ACTL6B: variants seen among roughly 807,000 people sequenced by gnomAD.
ACTL6B encodes the protein actin like 6B.
Under a neutral mutation model 63.3 loss-of-function variants are expected in ACTL6B, and 48 were observed. That is an observed-to-expected ratio of 0.76 (90% confidence interval 0.60 to 0.96). The LOEUF (loss-of-function observed/expected upper bound fraction) is 0.96, where lower values mean the gene tolerates loss of function less well. ACTL6B is among the 50% of genes least tolerant of loss of function. ACTL6B has a pLI of 0.00. For synonymous variants in ACTL6B, 230 were observed against 223.8 expected (o/e 1.03, Z -0.25); for missense variants, 350 against 572.2 (o/e 0.61, Z 3.96).
chr7:100,656,267 C>T, intron 1 of ACTL6B, 63 bp downstream of exon 1: 4 of 1,370,266 alleles, frequency 2.9e-6, no homozygotes, highest in Non-Finnish European at 3.8e-6. Context: ...GCCCAGAGCT[C>T]GGATGGATGG....
chr7:100,647,838 C>CT lies in ACTL6B; in HGVS notation c.670-306dup. 5.4e-6 allele frequency: 2 copies of CT among 370,274 alleles called. No homozygotes were observed. The highest frequency in any genetic ancestry group is 8.4e-5 in the Admixed American group (2 of 23,800). 22.9% of individuals were successfully genotyped at this position (370,274 alleles called of 1,614,324 possible). A position where few individuals can be genotyped will look rare whatever the true frequency, so the allele number is the denominator to read the frequency against. ...ATCCATGTGAGGGCACGGAATGGAG[C>CT]TAAGCACACAGTGTCACTTCATACT... On this transcript the variant is annotated intron_variant, in intron 7 of 13. Coordinates refer to ENST00000160382, the MANE Select transcript of ACTL6B (RefSeq NM_016188.5). The surrounding 1 kb of genome is among the most constrained non-coding windows in gnomAD (Gnocchi z 4.4).
chr7:100,654,896 A>T, intron 4 of ACTL6B, 123 bp downstream of exon 4: 4 of 762,264 alleles, frequency 5.2e-6, no homozygotes, highest in South Asian at 5.0e-5. Context: ...GGGTGAGGGG[A>T]GTCTGAAAAG....
In ACTL6B at chr7:100,648,515, C is replaced by T. The variant is rs764879172; in HGVS notation, c.669+41G>A. ...GGGTTGACGGCCATGGGGCGAGTGG[C>T]CAGGACTCTAGTGGCAGCTCCATGT... is the stretch of plus-strand genomic sequence containing the variant. On this transcript the variant is annotated intron_variant, in intron 7 of 13. Transcript: ENST00000160382. This position sits in a 1 kb window ranked among gnomAD's most constrained non-coding sequence, Gnocchi z 4.4. 6.6e-6 allele frequency: 10 copies of T among 1,524,222 alleles called. No individual in the cohort carries two copies. Among genetic ancestry groups the T allele is most frequent in the Non-Finnish European group, 8.9e-6 (10 of 1,128,286 alleles). The allele number at this position is 1,524,222 out of a possible 1,614,324, so 94.4% of individuals were successfully genotyped here. A position where few individuals can be genotyped will look rare whatever the true frequency, so the allele number is the denominator to read the frequency against.
Position 100,648,249 on chromosome 7 carries a change from T to C in ACTL6B, c.669+307A>G. 9.0e-6 allele frequency: 2 copies of C among 221,714 alleles called. No homozygotes were observed. The highest frequency in any genetic ancestry group is 1.1e-4 in the East Asian group (1 of 9,332). The allele number at this position is 221,714 out of a possible 1,614,324, so 13.7% of individuals were successfully genotyped here. Reference sequence around the variant, plus strand: ...CTGGGATTACAGGTGTGAGCCACCATGCCTGACCGGTCCTGCAGCTCTTGC... The same window carrying C: ...CTGGGATTACAGGTGTGAGCCACCACGCCTGACCGGTCCTGCAGCTCTTGC... On this transcript the variant is annotated intron_variant, in intron 7 of 13. Transcript: ENST00000160382. The surrounding 1 kb of genome is among the most constrained non-coding windows in gnomAD (Gnocchi z 4.4).
At position 100,655,913 on chromosome 7, in the gene ACTL6B, C is replaced by A. The variant is rs1313484228; in HGVS notation, c.26-34G>T. 5 of 1,545,034 alleles carry A rather than the reference C, an allele frequency of 3.2e-6. No individual in the cohort carries two copies. In the East Asian group the frequency reaches 9.8e-5, roughly 30 times the overall value. ...GGAGACAGGCCTGTAAGGGGACCTC[C>A]CCCGAACTCTCTCCCGCTAGGTAGC... On this transcript the variant is annotated intron_variant, in intron 1 of 13. Transcript: ENST00000160382. The surrounding 1 kb of genome is among the most constrained non-coding windows in gnomAD (Gnocchi z 4.4).
intron 4 of ACTL6B, among the ~76,000 whole-genome samples, chr7:100,653,575 A>G (rs916229063): frequency 6.6e-6 from 1 of 152,136 alleles, no homozygotes; most frequent in Non-Finnish European, 1.5e-5. Context: ...ACTTGAGCCC[A>G]GGAGACCAAG....
Position 100,647,489 on chromosome 7 carries a change from C to T in ACTL6B, c.714G>A (p.Glu238=), listed in dbSNP as rs1042445712. 2 of 1,611,260 alleles carry T rather than the reference C, an allele frequency of 1.2e-6. No homozygotes were observed. Among genetic ancestry groups the T allele is most frequent in the African/African-American group, 1.3e-5 (1 of 74,884 alleles). ...EGAPPNWKKK[E]KLPQVSKSWH... is the part of the protein sequence containing the mutation. ...AGGACTTGGAGACCTGGGGTAGCTT[C>T]TCCTTCTTCTTCCAGTTTGGGGGGG... The change falls in exon 8 of 14, where the codon GAG becomes GAA. Residue 238 remains glutamate, a synonymous_variant. Transcript: ENST00000160382. The surrounding 1 kb of genome is among the most constrained non-coding windows in gnomAD (Gnocchi z 4.4).
rs372754130 is a variant in ACTL6B at position 100,646,546 on chromosome 7, C to T, written c.1113+5G>A. 1.1e-4 allele frequency: 170 copies of T among 1,613,830 alleles called. No homozygotes were observed. The highest frequency in any genetic ancestry group is 1.3e-4 in the Non-Finnish European group (149 of 1,179,970). On this transcript the variant is annotated splice_donor_5th_base_variant and intron_variant, in intron 12 of 13. Transcript: ENST00000160382. This position sits in a 1 kb window ranked among gnomAD's most constrained non-coding sequence, Gnocchi z 6.1. ...CAGGGCTCTGGGTCAGGGGTGGGCT[C>T]CTACCGGTGGGGTCTTCTGGGAAAG...
intron 5 of ACTL6B, among the ~76,000 whole-genome samples, chr7:100,649,710 G>A (rs1803897033): frequency 6.6e-6 from 1 of 152,208 alleles, no homozygotes; most frequent in African/African-American, 2.4e-5. Flanking sequence ...AGTCAGTGTT[G>A]AAGGAGTTCT....
In ACTL6B at chr7:100,647,737, G is replaced by C; in HGVS notation, c.670-204C>G. 1 of 543,070 alleles carries C rather than the reference G, an allele frequency of 1.8e-6. No individual in the cohort carries two copies. The highest frequency in any genetic ancestry group is 3.3e-6 in the Non-Finnish European group (1 of 307,206). The allele number at this position is 543,070 out of a possible 1,614,324, so 33.6% of individuals were successfully genotyped here. A position where few individuals can be genotyped will look rare whatever the true frequency, so the allele number is the denominator to read the frequency against. On this transcript the variant is annotated intron_variant, in intron 7 of 13. Coordinates refer to ENST00000160382, the MANE Select transcript of ACTL6B (RefSeq NM_016188.5). The surrounding 1 kb of genome is among the most constrained non-coding windows in gnomAD (Gnocchi z 4.4). ...CTCCATGTGTGCCTTTCATGCGGTGGGTGCAGCTGATCTGGAGAACACCAG... is the reference window on the plus strand; with the variant it reads ...CTCCATGTGTGCCTTTCATGCGGTGCGTGCAGCTGATCTGGAGAACACCAG...
Position 100,650,068 on chromosome 7 carries a change from A to T in ACTL6B, c.437T>A (p.Phe146Tyr). 1.2e-6 allele frequency: 2 copies of T among 1,613,964 alleles called. No homozygotes were observed. Among genetic ancestry groups the T allele is most frequent in the Non-Finnish European group, 1.7e-6 (2 of 1,179,980 alleles). ...LMFEQYNIPA[F>Y]FLCKTAVLTA... ...GAGCACAGCCGTCTTGCATAAGAAG[A>T]AGGCAGGAATGTTGTACTGCTCGAA... The change falls in exon 5 of 14, where the codon TTC becomes TAC. Residue 146 changes from phenylalanine (F) to tyrosine (Y), a missense_variant. Around this residue, in one of 3 missense-constraint regions of ACTL6B, gnomAD observed 250 missense variants for 364.7 expected, o/e 0.69. Transcript: ENST00000160382.
chr7:100,646,178 A>G lies in ACTL6B; in HGVS notation c.1200+71T>C. 1 of 1,264,910 alleles carries G rather than the reference A, an allele frequency of 7.9e-7. No homozygotes were observed. Among genetic ancestry groups the G allele is most frequent in the Non-Finnish European group, 1.1e-6 (1 of 890,700 alleles). The allele number at this position is 1,264,910 out of a possible 1,614,324, so 78.4% of individuals were successfully genotyped here. A position where few individuals can be genotyped will look rare whatever the true frequency, so the allele number is the denominator to read the frequency against. On this transcript the variant is annotated intron_variant, in intron 13 of 13. Transcript: ENST00000160382. The surrounding 1 kb of genome is among the most constrained non-coding windows in gnomAD (Gnocchi z 6.1). ...GAATGAATGAACGAAGAGGCAGTCA[A>G]AGTGGCGGGCACTGTCTGGGTCTCC... is the stretch of plus-strand genomic sequence containing the variant.
At chr7:100,649,288 G>A (rs970748341) in intron 5 of ACTL6B, among the ~76,000 whole-genome samples, 1 of 150,540 alleles carries the variant, frequency 6.6e-6, no homozygotes, top group Admixed American at 6.6e-5. Context: ...CACCACACCC[G>A]GCGACCCCAG....
At chr7:100,652,489 C>A (rs1178293246) in intron 4 of ACTL6B, among the ~76,000 whole-genome samples, 1 of 144,566 alleles carries the variant, frequency 6.9e-6, no homozygotes, top group East Asian at 2.0e-4. Context: ...CCCAGCTACT[C>A]GGGAGGCTGA....
intron 4 of ACTL6B, among the ~76,000 whole-genome samples, chr7:100,650,937 T>A (rs746744257): frequency 2.7e-4 from 41 of 152,090 alleles, no homozygotes; most frequent in Non-Finnish European, 5.6e-4. Flanking sequence ...TTCACTGAAT[T>A]GAAAGACATA....
In ACTL6B at chr7:100,648,842, G is replaced by A. The variant is rs1180741541; in HGVS notation, c.468-19C>T. ...TGCAAAGCTGGCATCGGATGGGTAA[G>A]TCAAAGAGACAGCAGCAGCAAGTGA... On this transcript the variant is annotated intron_variant, in intron 5 of 13. Transcript: ENST00000160382. The surrounding 1 kb of genome is among the most constrained non-coding windows in gnomAD (Gnocchi z 4.4). 1 of 1,609,250 alleles carries A rather than the reference G, an allele frequency of 6.2e-7. No homozygotes were observed. The highest frequency in any genetic ancestry group is 8.5e-7 in the Non-Finnish European group (1 of 1,177,812).
In ACTL6B at chr7:100,655,899, TG is replaced by T. The variant is rs1468820966; in HGVS notation, c.26-21del. The T allele has an allele frequency of 6.4e-7, 1 of 1,555,496 alleles. No individual in the cohort carries two copies. The highest frequency in any genetic ancestry group is 2.4e-5 in the East Asian group (1 of 41,212). ...CCTCATCTGTGCGGGGAGACAGGCC[TG>T]TAAGGGGACCTCCCCCGAACTCTCT... On this transcript the variant is annotated intron_variant, in intron 1 of 13. Transcript: ENST00000160382. This position sits in a 1 kb window ranked among gnomAD's most constrained non-coding sequence, Gnocchi z 4.4.
In ACTL6B at chr7:100,655,620, G is replaced by C; in HGVS notation, c.103-34C>G. ...GAAGGGTTGGGGGAGTATTGGCAGG[G>C]AGAGAGGTCACCCTCTTGCCCCTGT... On this transcript the variant is annotated intron_variant, in intron 2 of 13. Transcript: ENST00000160382. The surrounding 1 kb of genome is among the most constrained non-coding windows in gnomAD (Gnocchi z 4.4). 1 of 1,595,888 alleles carries C rather than the reference G, an allele frequency of 6.3e-7. No individual in the cohort carries two copies. Among genetic ancestry groups the C allele is most frequent in the Non-Finnish European group, 8.5e-7 (1 of 1,171,600 alleles).
At chr7:100,651,864 G>C (rs1368140844) in intron 4 of ACTL6B, among the ~76,000 whole-genome samples, 1 of 151,974 alleles carries the variant, frequency 6.6e-6, no homozygotes, top group Non-Finnish European at 1.5e-5. Flanking sequence ...CACTGTCTCT[G>C]GCCTCTCATG....
Sources: gnomAD v4.1 joint callset for allele counts (sites outside exome capture counted in the v4.1 genomes callset) on GRCh38, gnomAD v4.1.1 for gene constraint, gnomAD v4.1.1 regional missense constraint, Gnocchi (gnomAD v3.1) non-coding constraint, MANE v1.5 for transcripts, NCBI Gene and HGNC (gene_info 2026-07-23, HGNC 2026-07-21) for gene names.